The following MFSD11 variants were observed in gnomAD, a reference collection of about 807,000 sequenced individuals.
MFSD11 encodes the protein UNC93-like protein MFSD11.
Under a neutral mutation model 53.5 loss-of-function variants are expected in MFSD11, and 36 were observed. The observed-to-expected ratio is 0.67, with a 90% confidence interval of 0.52 to 0.89. MFSD11 has a LOEUF of 0.89. Ranked by LOEUF, MFSD11 falls within the 40% of genes least tolerant of loss-of-function variation. MFSD11 has a pLI of 0.00. For missense variants in MFSD11, 530 were observed against 543.9 expected, an observed-to-expected ratio of 0.97 and a Z score of 0.25; for synonymous variants, 186 against 184.9, an observed-to-expected ratio of 1.01 and a Z score of -0.05.
At chr17:76,779,691 G>C (rs965534106), downstream of MFSD11, among the ~76,000 whole-genome samples, 1 of 152,070 alleles carries the variant, frequency 6.6e-6, no homozygotes, top group Non-Finnish European at 1.5e-5. Flanking sequence ...CACCATGTTG[G>C]CCAGGCTGGT....
rs201345255 is a variant in MFSD11, at chr17:76,754,133, C to T, written c.682+46C>T. The T allele has an allele frequency of 2.8e-5, 43 of 1,542,454 alleles. 1 individual carries two copies. In the East Asian group the frequency reaches 7.7e-4, roughly 27 times the overall value. On this transcript the variant is annotated intron_variant, in intron 8 of 12. Transcript: ENST00000685175. ...AAATGCAAGAACTGTTCAGGAACAACTCGGCATTTGCCTTTCCCCTATTCC... is the reference window on the plus strand; with the variant it reads ...AAATGCAAGAACTGTTCAGGAACAATTCGGCATTTGCCTTTCCCCTATTCC...
chr17:76,750,829 A>C (rs2078994436), intron 7 of MFSD11, among the ~76,000 whole-genome samples: 1 of 145,774 alleles, frequency 6.9e-6, no homozygotes, highest in Non-Finnish European at 1.5e-5. Flanking sequence ...TTTGATACGG[A>C]GTCTCGCTCT....
the MFSD11 span, among the ~76,000 whole-genome samples, chr17:76,799,849 G>A: frequency 2.0e-5 from 3 of 151,784 alleles, no homozygotes; most frequent in Admixed American, 6.6e-5. Flanking sequence ...TATCTGATCA[G>A]ATGCATCATC....
At chr17:76,765,219 A>G (rs187919730) in intron 8 of MFSD11, among the ~76,000 whole-genome samples, 1 of 152,044 alleles carries the variant, frequency 6.6e-6, no homozygotes, top group Admixed American at 6.6e-5. Context: ...ATTCTTTTGC[A>G]TGTCAATATC....
At chr17:76,792,820 A>G in the MFSD11 span, among the ~76,000 whole-genome samples, 7 of 151,324 alleles carry the variant, frequency 4.6e-5, no homozygotes, top group African/African-American at 1.5e-4. Flanking sequence ...GTTCTTTTCT[A>G]TTTTCCCTAA....
chr17:76,767,245 C>T lies in MFSD11; in HGVS notation c.683-141C>T, dbSNP rs1486558907. The stretch of plus-strand genomic sequence containing the variant: ...GGGCAAATGTAGTTCATGCCTTAAG[C>T]ATTTTAATCTGAAAGTTATATCCCA... On this transcript the variant is annotated intron_variant, in intron 8 of 12. Transcript: ENST00000685175. The T allele has an allele frequency of 8.6e-6, 5 of 578,084 alleles. No individual in the cohort carries two copies. The East Asian group carries it at 1.2e-4, about 14-fold the overall frequency. 35.8% of individuals were successfully genotyped at this position (578,084 alleles called of 1,614,324 possible).
intron 8 of MFSD11, among the ~76,000 whole-genome samples, chr17:76,755,168 T>C (rs2079440429): frequency 6.6e-6 from 1 of 150,592 alleles, no homozygotes; most frequent in South Asian, 2.1e-4. Flanking sequence ...ACTGAGCTGA[T>C]ATCACGCCAC....
downstream of MFSD11, chr17:76,780,930 A>C (rs1260583595): frequency 6.6e-6 from 1 of 152,212 alleles, no homozygotes; most frequent in Non-Finnish European, 1.5e-5. Context: ...GTAGTGATTT[A>C]TTATCTCTTT....
chr17:76,777,401 G>A (rs2081947245), intron 12 of MFSD11, among the ~76,000 whole-genome samples: 1 of 152,110 alleles, frequency 6.6e-6, no homozygotes, highest in Non-Finnish European at 1.5e-5. Flanking sequence ...GTTCAGCTAA[G>A]TTTTTATATT....
intron 7 of MFSD11, among the ~76,000 whole-genome samples, chr17:76,744,944 G>A (rs62086787): frequency 0.051 from 7,778 of 152,206 alleles, 265 homozygotes; most frequent in East Asian, 0.075. Context: ...TATGGTGTCC[G>A]GCTCTTGCAC....
chr17:76,799,954 C>CTTTTTTTTTTTT, the MFSD11 span, among the ~76,000 whole-genome samples: 38 of 87,286 alleles, frequency 4.4e-4, 1 homozygote, highest in African/African-American at 1.4e-3. Flanking sequence ...TTTTCTTTTT[C>CTTTTTTTTTTTT]CTTTTTTTTT....
At chr17:76,792,632 C>G in the MFSD11 span, among the ~76,000 whole-genome samples, 14 of 151,274 alleles carry the variant, frequency 9.3e-5, no homozygotes, top group Non-Finnish European at 1.9e-4. Context: ...ATTGCTGGAA[C>G]CTGTGAATAT....
At chr17:76,768,349 T>G (rs2081061499) in intron 9 of MFSD11, among the ~76,000 whole-genome samples, 1 of 149,424 alleles carries the variant, frequency 6.7e-6, no homozygotes. Context: ...AATAGAAGCA[T>G]GTCATAATGT....
the MFSD11 span, among the ~76,000 whole-genome samples, chr17:76,787,935 A>T: frequency 6.7e-6 from 1 of 150,078 alleles, no homozygotes; most frequent in Admixed American, 6.7e-5. Context: ...GCATAGCATC[A>T]CATGACAGAT....
intron 3 of MFSD11, 131 bp from the exon 4 acceptor site, chr17:76,741,838 C>A: frequency 7.0e-7 from 1 of 1,428,726 alleles, no homozygotes; most frequent in Admixed American, 2.3e-5. Flanking sequence ...TCCCTTTTTT[C>A]AAAACTGGAG....
intron 5 of MFSD11, among the ~76,000 whole-genome samples, chr17:76,742,539 G>A (rs2078191300): frequency 6.7e-6 from 1 of 149,912 alleles, no homozygotes; most frequent in African/African-American, 2.5e-5. Context: ...GTCTCACACT[G>A]TCACCTGGGC....
At chr17:76,792,443 C>T in the MFSD11 span, among the ~76,000 whole-genome samples, 5 of 145,982 alleles carry the variant, frequency 3.4e-5, no homozygotes, top group Non-Finnish European at 5.9e-5. Flanking sequence ...TTTTTCTTTT[C>T]TTTCTTTTTT....
At chr17:76,764,633 A>G (rs781417528) in intron 8 of MFSD11, among the ~76,000 whole-genome samples, 50 of 152,066 alleles carry the variant, frequency 3.3e-4, no homozygotes, top group Non-Finnish European at 6.3e-4. Flanking sequence ...CATTTTCTTT[A>G]TTCATCCGTT....
intron 7 of MFSD11, 59 bp from the exon 8 acceptor site, chr17:76,753,988 A>C (rs2079324252): frequency 7.2e-7 from 1 of 1,389,498 alleles, no homozygotes; most frequent in Non-Finnish European, 1.0e-6. Flanking sequence ...ATGTGATCGT[A>C]TGTTTGTTCT....
Sources: gnomAD v4.1 joint callset for allele counts (sites outside exome capture counted in the v4.1 genomes callset) on GRCh38, gnomAD v4.1.1 for gene constraint, MANE v1.5 for transcripts, NCBI Gene and HGNC (gene_info 2026-07-23, HGNC 2026-07-21) for gene names.